BCAS3: variants seen among roughly 807,000 people sequenced by gnomAD.
The protein encoded by BCAS3 is BCAS3 microtubule associated cell migration factor.
BCAS3 carries 53 observed loss-of-function variants against 116.1 expected under a neutral mutation model. The observed-to-expected ratio is 0.46, with a 90% CI of 0.37 to 0.57. The LOEUF (loss-of-function observed/expected upper bound fraction) is 0.57. Among genes scored for constraint, BCAS3 ranks in the 20% least tolerant of loss-of-function variants. The pLI, the probability that BCAS3 is intolerant of heterozygous loss-of-function variation, is 0.00. For missense variants in BCAS3, 917 were observed against 1,165.4 expected (o/e 0.79, Z 3.10); for synonymous variants, 391 against 408.2 (o/e 0.96, Z 0.51).
intron 7 of BCAS3, among the ~76,000 whole-genome samples, chr17:60,822,898 G>A (rs968890993): frequency 9.9e-5 from 15 of 152,096 alleles, no homozygotes; most frequent in Non-Finnish European, 1.8e-4. Flanking sequence ...ATCATATGTG[G>A]GTGAAATACC....
At chr17:61,048,244 T>TAAC (rs1251369510) in intron 19 of BCAS3, among the ~76,000 whole-genome samples, 1 of 152,018 alleles carries the variant, frequency 6.6e-6, no homozygotes, top group Non-Finnish European at 1.5e-5. Flanking sequence ...CAAGATGGAC[T>TAAC]AACAGGGGTC....
At chr17:61,277,262 CAA>C (rs58849968) in intron 22 of BCAS3, among the ~76,000 whole-genome samples, 12,302 of 101,470 alleles carry the variant, frequency 0.12, 918 homozygotes, top group African/African-American at 0.29. Context: ...GACCCTGTAT[CAA>C]AAAAAAAAAA....
intron 6 of BCAS3, among the ~76,000 whole-genome samples, chr17:60,758,815 G>A (rs997648989): frequency 6.6e-6 from 1 of 152,028 alleles, no homozygotes; most frequent in East Asian, 1.9e-4. Context: ...GGTATGATGT[G>A]TTTCCATTTT....
At chr17:61,385,062 G>T (rs2059779795) in intron 23 of BCAS3, among the ~76,000 whole-genome samples, 2 of 152,174 alleles carry the variant, frequency 1.3e-5, no homozygotes, top group African/African-American at 4.8e-5. Flanking sequence ...CCAGAGTGTG[G>T]TCTCTGACAA....
At chr17:60,791,851 G>A (rs1447948084) in intron 6 of BCAS3, among the ~76,000 whole-genome samples, 3 of 152,064 alleles carry the variant, frequency 2.0e-5, no homozygotes, top group Admixed American at 6.5e-5. Flanking sequence ...CTGGCTGGGC[G>A]CAGTGGCTCA....
At chr17:61,035,572 G>A (rs2066954860) in intron 17 of BCAS3, among the ~76,000 whole-genome samples, 2 of 119,018 alleles carry the variant, frequency 1.7e-5, no homozygotes, top group Admixed American at 9.9e-5. Flanking sequence ...GACAGAGCAA[G>A]ACTCCATCTC....
chr17:61,016,847 T>A (rs1234483093), intron 16 of BCAS3: 1 of 152,202 alleles, frequency 6.6e-6, no homozygotes, highest in African/African-American at 2.4e-5. Context: ...TTAATGTGCT[T>A]ACAGAGGTCA....
In BCAS3 at chr17:61,246,363, C is replaced by G. The variant is rs529035780; in HGVS notation, c.2426-121964C>G. On this transcript the variant is annotated intron_variant, in intron 22 of 23. Transcript: ENST00000407086. ...AGTCATGGTGGCATGTGCCTGTAGT[C>G]CCAGCTATTGAGGAGGCTGAGGCGA... is the stretch of plus-strand genomic sequence containing the variant. Among the ~76,000 whole-genome samples the G allele has an allele frequency of 1.1e-3, 162 of 150,814 alleles. 2 individuals carry two copies. Among genetic ancestry groups the G allele is most frequent in the African/African-American group, 3.8e-3 (157 of 40,968 alleles).
intron 12 of BCAS3, among the ~76,000 whole-genome samples, chr17:60,923,709 T>C (rs1236086869): frequency 6.6e-6 from 1 of 152,196 alleles, no homozygotes. Context: ...GTTGAACTTA[T>C]GATGGGAAAT....
At chr17:60,842,170 G>C (rs2052005413) in intron 7 of BCAS3, among the ~76,000 whole-genome samples, 1 of 151,920 alleles carries the variant, frequency 6.6e-6, no homozygotes, top group South Asian at 2.1e-4. Flanking sequence ...ATCCTTTTCT[G>C]CTTTGGAACT....
intron 5 of BCAS3, among the ~76,000 whole-genome samples, chr17:60,733,942 T>C (rs1281097199): frequency 2.6e-5 from 4 of 152,228 alleles, no homozygotes; most frequent in Non-Finnish European, 5.9e-5. Context: ...TTGCAAATGT[T>C]TTCTCAGTTT....
At chr17:61,085,016 T>C (rs944780603) in intron 22 of BCAS3, among the ~76,000 whole-genome samples, 1 of 152,220 alleles carries the variant, frequency 6.6e-6, no homozygotes, top group Non-Finnish European at 1.5e-5. Context: ...AGTTTAAAAA[T>C]TCATTAACTT....
At chr17:60,963,191 C>G (rs769651704) in intron 14 of BCAS3, among the ~76,000 whole-genome samples, 37 of 152,010 alleles carry the variant, frequency 2.4e-4, no homozygotes, top group Non-Finnish European at 4.7e-4. Context: ...GTTCCTTTGG[C>G]TCAGGATTGC....
At chr17:61,371,933 G>A (rs772687538) in intron 23 of BCAS3, among the ~76,000 whole-genome samples, 3 of 152,148 alleles carry the variant, frequency 2.0e-5, no homozygotes, top group East Asian at 1.9e-4. Flanking sequence ...GATGGATGCC[G>A]ACCAAATAGT....
rs1039030757 is a variant in BCAS3, at chr17:61,204,797, A to T, written c.2425+120233A>T. Reference sequence around the variant, plus strand: ...CCTGGCATGGTGGCTCATGTCTGTAATCCAAGCACTTTAGGAGGCTGAGGC... The same window carrying T: ...CCTGGCATGGTGGCTCATGTCTGTATTCCAAGCACTTTAGGAGGCTGAGGC... On this transcript the variant is annotated intron_variant, in intron 22 of 23. Coordinates refer to ENST00000407086, the MANE Select transcript of BCAS3 (RefSeq NM_017679.5). The surrounding 1 kb of genome is among the most constrained non-coding windows in gnomAD (Gnocchi z 4.2). 2.0e-4 allele frequency among the ~76,000 whole-genome samples: 31 copies of T among 152,286 alleles called. No individual in the cohort carries two copies. Among genetic ancestry groups the T allele is most frequent in the African/African-American group, 7.5e-4 (31 of 41,554 alleles).
chr17:60,846,359 G>T (rs993512585), intron 7 of BCAS3, among the ~76,000 whole-genome samples: 3 of 152,144 alleles, frequency 2.0e-5, no homozygotes, highest in African/African-American at 7.2e-5. Context: ...TTGTTTAATA[G>T]CATCACCAAG....
chr17:61,185,306 AT>A (rs2079702588), intron 22 of BCAS3, among the ~76,000 whole-genome samples: 1 of 152,190 alleles, frequency 6.6e-6, no homozygotes. Flanking sequence ...CTTAAAAAAA[AT>A]AAAAATTTTA....
At position 61,017,408 on chromosome 17, in the gene BCAS3, T is replaced by C. The variant is rs184084099; in HGVS notation, c.1637+1507T>C. On this transcript the variant is annotated intron_variant, in intron 16 of 23. Coordinates refer to ENST00000407086, the MANE Select transcript of BCAS3 (RefSeq NM_017679.5). The surrounding 1 kb of genome is among the most constrained non-coding windows in gnomAD (Gnocchi z 4.7). ...AGCATTGTACAATTCTCCAAAGTACTTACAAATTTTAGCCTGTCTTTTCTG... is the reference window on the plus strand; with the variant it reads ...AGCATTGTACAATTCTCCAAAGTACCTACAAATTTTAGCCTGTCTTTTCTG... 7.9e-5 allele frequency among the ~76,000 whole-genome samples: 12 copies of C among 152,306 alleles called. 1 individual carries two copies. The highest frequency in any genetic ancestry group is 6.5e-4 in the Admixed American group (10 of 15,300).
intron 6 of BCAS3, among the ~76,000 whole-genome samples, chr17:60,777,483 G>T (rs571866899): frequency 3.3e-5 from 5 of 152,016 alleles, no homozygotes; most frequent in African/African-American, 1.2e-4. Flanking sequence ...AAAATGGGCC[G>T]GGTGTGGTGG....
Sources: gnomAD v4.1 joint callset for allele counts (sites outside exome capture counted in the v4.1 genomes callset) on GRCh38, gnomAD v4.1.1 for gene constraint, Gnocchi (gnomAD v3.1) non-coding constraint, MANE v1.5 for transcripts, NCBI Gene and HGNC (gene_info 2026-07-23, HGNC 2026-07-21) for gene names.